The following RAD54B variants were observed in gnomAD, a reference collection of about 807,000 sequenced individuals.
RAD54B encodes the protein RAD54 homolog B.
A neutral mutation model predicts 95.8 loss-of-function variants in RAD54B; 78 were observed. The observed-to-expected ratio is 0.81, with a 90% CI of 0.68 to 0.98. RAD54B has a LOEUF of 0.98. Among genes scored for constraint, RAD54B ranks in the 50% least tolerant of loss-of-function variants. The pLI, the probability that RAD54B is intolerant of heterozygous loss-of-function variation, is 0.00. For missense variants in RAD54B, 957 were observed against 1,056.6 expected (o/e 0.91, Z 1.31); for synonymous variants, 328 against 354.9 (o/e 0.92, Z 0.85).
intron 1 of RAD54B, among the ~76,000 whole-genome samples, chr8:94,474,693 G>C (rs930734405): frequency 6.6e-6 from 1 of 152,098 alleles, no homozygotes; most frequent in Non-Finnish European, 1.5e-5. Flanking sequence ...CAAAAGCCAA[G>C]AGGAGCCTGC....
At chr8:94,467,109 G>A (rs1813044537) in intron 2 of RAD54B, among the ~76,000 whole-genome samples, 1 of 151,928 alleles carries the variant, frequency 6.6e-6, no homozygotes, top group East Asian at 1.9e-4. Context: ...TTTATTTTTT[G>A]TAGAGACAGG....
chr8:94,395,098 T>C (rs565675999), intron 8 of RAD54B, among the ~76,000 whole-genome samples: 2 of 152,168 alleles, frequency 1.3e-5, no homozygotes, highest in African/African-American at 4.8e-5. Flanking sequence ...GAAAGAACGG[T>C]AGAAGGATCA....
chr8:94,447,886 T>A (rs924149635), intron 3 of RAD54B, among the ~76,000 whole-genome samples: 1 of 152,124 alleles, frequency 6.6e-6, no homozygotes, highest in Non-Finnish European at 1.5e-5. Flanking sequence ...CATGACAATA[T>A]CCTTTAAACT....
intron 1 of RAD54B, among the ~76,000 whole-genome samples, chr8:94,470,388 C>G (rs1264339615): frequency 6.6e-6 from 1 of 152,124 alleles, no homozygotes; most frequent in Non-Finnish European, 1.5e-5. Flanking sequence ...CACCTGAGGT[C>G]AGTTCAAGAC....
chr8:94,428,809 G>T, intron 3 of RAD54B: 2 of 984,916 alleles, frequency 2.0e-6, no homozygotes, highest in Non-Finnish European at 2.4e-6. Context: ...AACTGCTAAT[G>T]TTAGTTGGTA....
intron 14 of RAD54B, among the ~76,000 whole-genome samples, chr8:94,376,469 T>C (rs2515155): frequency 0.48 from 72,015 of 151,140 alleles, 18,294 homozygotes; most frequent in Non-Finnish European, 0.59. Context: ...AACTTAAATA[T>C]TGGAAAAAGA....
intron 1 of RAD54B, among the ~76,000 whole-genome samples, chr8:94,470,413 T>C (rs1196849728): frequency 2.0e-5 from 3 of 152,134 alleles, no homozygotes; most frequent in Admixed American, 6.5e-5. Flanking sequence ...CTCATCAACA[T>C]GGAGAAACCC....
chr8:94,401,001 G>A (rs1811253462), intron 6 of RAD54B, among the ~76,000 whole-genome samples: 1 of 152,010 alleles, frequency 6.6e-6, no homozygotes, highest in Admixed American at 6.6e-5. Flanking sequence ...TTATCCTACA[G>A]ACCTACTGTT....
At chr8:94,411,008 A>T (rs547079833) in intron 4 of RAD54B, 113 bp downstream of exon 4, 309 of 759,758 alleles carry the variant, frequency 4.1e-4, no homozygotes, top group Admixed American at 1.1e-3. Flanking sequence ...ATGAACATCC[A>T]TTAAAGAATA....
chr8:94,371,963 A>T lies in RAD54B; in HGVS notation c.*207T>A. On this transcript the variant is annotated 3_prime_UTR_variant, in exon 15 of 15. Transcript: ENST00000336148. ...ATCAAGGAATTATTAACAATTATAC[A>T]ATGATATAAGCACATCTTTATTTTT... 1 of 798,262 alleles carries T rather than the reference A, an allele frequency of 1.3e-6. No individual in the cohort carries two copies. The highest frequency in any genetic ancestry group is 1.7e-6 in the Non-Finnish European group (1 of 582,946). The allele number at this position is 798,262 out of a possible 1,614,324, so 49.4% of individuals were successfully genotyped here. A position where few individuals can be genotyped will look rare whatever the true frequency, so the allele number is the denominator to read the frequency against.
chr8:94,474,028 G>A (rs370394923), intron 1 of RAD54B, among the ~76,000 whole-genome samples: 16 of 152,306 alleles, frequency 1.1e-4, no homozygotes, highest in African/African-American at 3.9e-4. Context: ...GTAGGCTAGC[G>A]CAGCCATAAA....
intron 7 of RAD54B, 90 bp downstream of exon 7, chr8:94,400,148 G>A: frequency 2.7e-6 from 3 of 1,127,794 alleles, no homozygotes; most frequent in South Asian, 1.5e-5. Flanking sequence ...GTGCAAAAGG[G>A]TTAGGGAGTT....
intron 7 of RAD54B, among the ~76,000 whole-genome samples, chr8:94,399,994 C>T (rs1811231682): frequency 6.6e-6 from 1 of 151,204 alleles, no homozygotes; most frequent in African/African-American, 2.4e-5. Context: ...ACCCTCACGA[C>T]CTCATTTAAA....
intron 14 of RAD54B, among the ~76,000 whole-genome samples, 184 bp from the exon 15 acceptor site, chr8:94,372,571 C>T (rs1482151061): frequency 6.6e-6 from 1 of 152,150 alleles, no homozygotes; most frequent in African/African-American, 2.4e-5. Flanking sequence ...CTGATTTAAA[C>T]AGCAAAGGTA....
At chr8:94,468,889 T>G (rs1376116150) in intron 1 of RAD54B, among the ~76,000 whole-genome samples, 1 of 151,372 alleles carries the variant, frequency 6.6e-6, no homozygotes, top group East Asian at 1.9e-4. Context: ...CTCAGGAGGC[T>G]GAGGTGAGGG....
intron 3 of RAD54B, among the ~76,000 whole-genome samples, chr8:94,442,127 A>C (rs566169343): frequency 1.8e-4 from 27 of 152,358 alleles, no homozygotes; most frequent in African/African-American, 6.3e-4. Flanking sequence ...ATTAAGTGAA[A>C]TAACCCAAGC....
intron 9 of RAD54B, chr8:94,393,278 C>T (rs186767745): frequency 6.5e-6 from 1 of 153,102 alleles, no homozygotes; most frequent in East Asian, 1.9e-4. Flanking sequence ...AATTTACATT[C>T]CAAATAGGAG....
At chr8:94,438,808 AGAGT>A (rs1262020450) in intron 3 of RAD54B, among the ~76,000 whole-genome samples, 1 of 152,228 alleles carries the variant, frequency 6.6e-6, no homozygotes, top group Non-Finnish European at 1.5e-5. Context: ...TAAAATGCCA[AGAGT>A]GAGGCCAGGC....
chr8:94,389,797 T>A (rs1810972082), intron 10 of RAD54B, among the ~76,000 whole-genome samples: 1 of 152,198 alleles, frequency 6.6e-6, no homozygotes, highest in African/African-American at 2.4e-5. Flanking sequence ...TCTGAATAAA[T>A]ATCAGACTAT....
Sources: allele counts gnomAD v4.1 joint callset (sites outside exome capture counted in the v4.1 genomes callset), GRCh38; gene constraint gnomAD v4.1.1; transcripts MANE v1.5; gene names NCBI Gene and HGNC (gene_info 2026-07-23, HGNC 2026-07-21).